Variants in CTSK observed in about 807,000 individuals in gnomAD.
The protein encoded by CTSK is cathepsin K.
CTSK carries 26 observed loss-of-function variants against 40.5 expected under a neutral mutation model. The observed-to-expected ratio is 0.64, with a 90% CI of 0.47 to 0.89. The LOEUF is 0.89. Ranked by LOEUF, CTSK falls within the 40% of genes least tolerant of loss-of-function variation. The probability of loss-of-function intolerance (pLI) is 0.00; values close to 1 mark genes in which losing one functional copy is unlikely to be tolerated. For missense variants in CTSK, 292 were observed against 400.1 expected (o/e 0.73, Z 2.30); for synonymous variants, 132 against 143.2 (o/e 0.92, Z 0.56).
intron 4 of CTSK, among the ~76,000 whole-genome samples, chr1:150,804,450 A>G (rs1654049334): frequency 6.6e-6 from 1 of 152,194 alleles, no homozygotes; most frequent in South Asian, 2.1e-4. Flanking sequence ...AGTAAAGCAG[A>G]GCACAGTACC....
chr1:150,796,848 T>C lies in CTSK; in HGVS notation c.941A>G (p.Lys314Arg). ...GTTGGCAATGCCACAGGCGTTGTTC[T>C]TATTTCGAGCCATGAGGATATATCC... ...NKGYILMARN[K>R]NNACGIANLA... Residue 314 changes from lysine to arginine, a missense_variant, in exon 8 of 8, where the codon AAG becomes AGG. By Grantham distance (26) the Lys-to-Arg change is conservative. Coordinates refer to ENST00000271651, the MANE Select transcript of CTSK (RefSeq NM_000396.4). 1 of 1,614,190 alleles carries C rather than the reference T, an allele frequency of 6.2e-7. No homozygotes were observed.
rs1238751350 is a variant in CTSK at position 150,796,733 on chromosome 1, A to C, written c.*66T>G. The C allele has an allele frequency of 3.8e-5, 42 of 1,103,802 alleles. No individual in the cohort carries two copies. The highest frequency in any genetic ancestry group is 5.6e-6 in the Non-Finnish European group (4 of 713,930). The allele number at this position is 1,103,802 out of a possible 1,614,324, so 68.4% of individuals were successfully genotyped here. A position where few individuals can be genotyped will look rare whatever the true frequency, so the allele number is the denominator to read the frequency against. ...AAATAGCACACCAACTCCCTTCCAA[A>C]GTGCATCGTTACACTGCACCATCGT... On this transcript the variant is annotated 3_prime_UTR_variant, in exon 8 of 8. Transcript: ENST00000271651.
Position 150,796,738 on chromosome 1 carries a change from A to G in CTSK, c.*61T>C. 2.6e-6 allele frequency: 3 copies of G among 1,166,832 alleles called. No individual in the cohort carries two copies. The highest frequency in any genetic ancestry group is 3.9e-6 in the Non-Finnish European group (3 of 771,404). The allele number at this position is 1,166,832 out of a possible 1,614,324, so 72.3% of individuals were successfully genotyped here. A position where few individuals can be genotyped will look rare whatever the true frequency, so the allele number is the denominator to read the frequency against. On this transcript the variant is annotated 3_prime_UTR_variant, in exon 8 of 8. Transcript: ENST00000271651. ...GCACACCAACTCCCTTCCAAAGTGC[A>G]TCGTTACACTGCACCATCGTGGAAG... is the stretch of plus-strand genomic sequence containing the variant.
chr1:150,803,813 G>A (rs1334865045), intron 5 of CTSK, among the ~76,000 whole-genome samples: 3 of 152,180 alleles, frequency 2.0e-5, no homozygotes, highest in Non-Finnish European at 4.4e-5. Context: ...CTCCATGGCA[G>A]AGATGCAAAT....
chr1:150,806,854 CAG>C (rs1234167569), intron 1 of CTSK, 48 bp from the exon 2 acceptor site: 44 of 1,607,688 alleles, frequency 2.7e-5, no homozygotes, highest in East Asian at 6.7e-5. Context: ...GGCAGGGAAA[CAG>C]AGGAAAACTA....
intron 4 of CTSK, among the ~76,000 whole-genome samples, chr1:150,804,584 G>A (rs927179679): frequency 6.6e-6 from 1 of 152,116 alleles, no homozygotes; most frequent in Non-Finnish European, 1.5e-5. Flanking sequence ...ATTGTTATAA[G>A]GATTAAATAT....
chr1:150,807,584 A>G (rs1200096436), intron 1 of CTSK: 2 of 327,636 alleles, frequency 6.1e-6, no homozygotes, highest in African/African-American at 2.2e-5. Flanking sequence ...TTGTTAGAAG[A>G]ATGTTCAGAC....
intron 4 of CTSK, among the ~76,000 whole-genome samples, chr1:150,805,240 A>G (rs1654063668): frequency 6.7e-6 from 1 of 148,564 alleles, no homozygotes; most frequent in African/African-American, 2.5e-5. Context: ...GGGGGGGGGA[A>G]AGGATTATTT....
At chr1:150,799,136 C>G (rs200031820) in intron 7 of CTSK, 32 bp downstream of exon 7, 1 of 1,403,046 alleles carries the variant, frequency 7.1e-7, no homozygotes, top group Admixed American at 1.7e-5. Flanking sequence ...AAAAGGGTGA[C>G]TGAATAACAA....
At chr1:150,803,234 G>T (rs1459980744) in intron 5 of CTSK, among the ~76,000 whole-genome samples, 1 of 152,076 alleles carries the variant, frequency 6.6e-6, no homozygotes, top group Non-Finnish European at 1.5e-5. Context: ...CATACTAGTG[G>T]TATGAATTAT....
chr1:150,805,314 C>T (rs1571126977), intron 4 of CTSK, among the ~76,000 whole-genome samples: 1 of 150,614 alleles, frequency 6.6e-6, no homozygotes, highest in East Asian at 2.0e-4. Context: ...TGCACAAAAA[C>T]ATATGCACAA....
intron 1 of CTSK, chr1:150,807,563 A>G (rs1654134191): frequency 3.0e-6 from 1 of 337,788 alleles, no homozygotes; most frequent in Non-Finnish European, 5.8e-6. Context: ...AAGAAGCCTC[A>G]GATCCAAGGT....
chr1:150,807,994 T>C (rs1184946434), intron 1 of CTSK, among the ~76,000 whole-genome samples: 2 of 152,192 alleles, frequency 1.3e-5, no homozygotes, highest in African/African-American at 4.8e-5. Flanking sequence ...TATACTTTGC[T>C]TTTACTAACA....
At chr1:150,807,618 T>C (rs1003998212) in intron 1 of CTSK, among the ~76,000 whole-genome samples, 1 of 152,250 alleles carries the variant, frequency 6.6e-6, no homozygotes, top group East Asian at 1.9e-4. Flanking sequence ...TCTATGATGA[T>C]GAAATTCACA....
rs1653933557 is a variant in CTSK at position 150,799,195 on chromosome 1, C to T, written c.863G>A (p.Gly288Glu). ...VLAVGYGIQK[G>E]NKHWIIKNSW... is the part of the protein sequence containing the mutation. ...GTTTTTAATTATCCAGTGCTTGTTT[C>T]CCTTCTGGATTCCATATCCCACTGC... The change falls in exon 7 of 8, where the codon GGA becomes GAA. Residue 288 changes from glycine (G) to glutamate (E), a missense_variant. Gly to Glu is a moderately conservative substitution (Grantham distance 98, BLOSUM62 -2). Transcript: ENST00000271651. The T allele has an allele frequency of 6.2e-7, 1 of 1,611,916 alleles. No individual in the cohort carries two copies.
At chr1:150,799,093 A>G (rs1166126113) in intron 7 of CTSK, 75 bp downstream of exon 7, 7 of 971,984 alleles carry the variant, frequency 7.2e-6, no homozygotes, top group Non-Finnish European at 1.2e-5. Flanking sequence ...CAGAGAAAGG[A>G]ATATCGGGAA....
chr1:150,797,688 C>T (rs978298774), intron 7 of CTSK, among the ~76,000 whole-genome samples: 1 of 152,170 alleles, frequency 6.6e-6, no homozygotes, highest in African/African-American at 2.4e-5. Flanking sequence ...TTACCCAACA[C>T]ATTTTATTTA....
chr1:150,804,281 A>G, intron 4 of CTSK, 42 bp from the exon 5 acceptor site: 1 of 1,474,996 alleles, frequency 6.8e-7, no homozygotes, highest in Non-Finnish European at 9.5e-7. Context: ...TGCTGTTTAC[A>G]TTTTCTATAT....
In CTSK at chr1:150,796,713, G is replaced by A; in HGVS notation, c.*86C>T. 1 of 930,844 alleles carries A rather than the reference G, an allele frequency of 1.1e-6. No individual in the cohort carries two copies. Among genetic ancestry groups the A allele is most frequent in the Non-Finnish European group, 1.8e-6 (1 of 556,112 alleles). 57.7% of individuals were successfully genotyped at this position (930,844 alleles called of 1,614,324 possible). A position where few individuals can be genotyped will look rare whatever the true frequency, so the allele number is the denominator to read the frequency against. ...TATCACCACATCTGCTTCAAAAATA[G>A]CACACCAACTCCCTTCCAAAGTGCA... is the stretch of plus-strand genomic sequence containing the variant. On this transcript the variant is annotated 3_prime_UTR_variant, in exon 8 of 8. Transcript: ENST00000271651.
Sources: allele counts gnomAD v4.1 joint callset (sites outside exome capture counted in the v4.1 genomes callset), GRCh38; gene constraint gnomAD v4.1.1; transcripts MANE v1.5; gene names NCBI Gene and HGNC (gene_info 2026-07-23, HGNC 2026-07-21).